PGRMC1: variants seen among roughly 807,000 people sequenced by gnomAD.
PGRMC1 encodes membrane-associated progesterone receptor component 1.
For synonymous variants in PGRMC1, 73 were observed against 77.3 expected (o/e 0.94, Z 0.29); for missense variants, 145 against 169.0 (o/e 0.86, Z 0.79).
chrX:119,238,877 G>C (rs766445691), intron 1 of PGRMC1, among the ~76,000 whole-genome samples: 2 of 112,376 alleles, frequency 1.8e-5, no homozygotes, highest in South Asian at 7.4e-4. Context: ...GTAGATGTGG[G>C]AATATAGCAG....
At chrX:119,242,450 T>C (rs1236912095) in intron 2 of PGRMC1, among the ~76,000 whole-genome samples, 2 of 111,401 alleles carry the variant, frequency 1.8e-5, no homozygotes, top group East Asian at 2.8e-4. Flanking sequence ...CATCTGGATC[T>C]GCACTCTGCC....
chrX:119,236,347 C>T lies in PGRMC1; in HGVS notation c.-17C>T. 2 of 1,201,038 alleles carry T rather than the reference C, an allele frequency of 1.7e-6. No homozygotes were observed. Among genetic ancestry groups the T allele is most frequent in the Non-Finnish European group, 2.3e-6 (2 of 887,198 alleles). On this transcript the variant is annotated 5_prime_UTR_variant, in exon 1 of 3. Coordinates refer to ENST00000217971, the MANE Select transcript of PGRMC1 (RefSeq NM_006667.5). ...CGGATCCCTGCCTAGCGCGGCCCAA[C>T]CTTTACTCCAGAGATCATGGCTGCC... is the stretch of plus-strand genomic sequence containing the variant.
rs1930878868 is a variant in PGRMC1, at chrX:119,243,858, AC to A, written c.*607del. 1 of 114,456 alleles carries A rather than the reference AC, an allele frequency of 8.7e-6. No individual in the cohort carries two copies. Among genetic ancestry groups the A allele is most frequent in the Non-Finnish European group, 1.8e-5 (1 of 54,770 alleles). The allele number at this position is 114,456 out of a possible 1,213,427, so 9.4% of individuals were successfully genotyped here. A position where few individuals can be genotyped will look rare whatever the true frequency, so the allele number is the denominator to read the frequency against. On this transcript the variant is annotated 3_prime_UTR_variant, in exon 3 of 3. Transcript: ENST00000217971. ...CTTGCCCTCACATAGACACTCAGAC[AC>A]CCTCACAAACACAGTAGTCTATAGT...
chrX:119,236,708 G>T lies in PGRMC1; in HGVS notation c.328+17G>T. The T allele has an allele frequency of 8.7e-7, 1 of 1,154,522 alleles. No homozygotes were observed. The highest frequency in any genetic ancestry group is 1.2e-6 in the Non-Finnish European group (1 of 863,019). Reference sequence around the variant, plus strand: ...ACGGGCCCGGTACGCGGCCGGCGAGGGGGGCTTGGAGACAAAAGAAGGGGG... The same window carrying T: ...ACGGGCCCGGTACGCGGCCGGCGAGTGGGGCTTGGAGACAAAAGAAGGGGG... On this transcript the variant is annotated intron_variant, in intron 1 of 2. Transcript: ENST00000217971.
At chrX:119,239,645 G>A (rs55815942) in intron 1 of PGRMC1, among the ~76,000 whole-genome samples, 9,975 of 111,231 alleles carry the variant, frequency 0.09, 465 homozygotes, top group Non-Finnish European at 0.14. Flanking sequence ...GAAAATTTTA[G>A]TATTTTCACA....
chrX:119,241,134 T>G (rs1930809024), intron 2 of PGRMC1, among the ~76,000 whole-genome samples: 1 of 112,536 alleles, frequency 8.9e-6, no homozygotes, highest in South Asian at 3.7e-4. Flanking sequence ...AATATTTCAC[T>G]GCCAAGAATT....
chrX:119,243,426 GA>G lies in PGRMC1; in HGVS notation c.*173del. On this transcript the variant is annotated 3_prime_UTR_variant, in exon 3 of 3. Transcript: ENST00000217971. ...ATAAAATTAACTTCTTAGAATGCAT[GA>G]TGTGTTTGTGTGTCACAAATCCAGA... The G allele has an allele frequency of 2.2e-6, 1 of 464,220 alleles. No homozygotes were observed. 38.3% of individuals were successfully genotyped at this position (464,220 alleles called of 1,213,427 possible).
intron 1 of PGRMC1, among the ~76,000 whole-genome samples, chrX:119,239,206 C>CT (rs778369656): frequency 7.2e-5 from 8 of 111,004 alleles, no homozygotes; most frequent in East Asian, 2.8e-4. Context: ...AAAATGTGGG[C>CT]TTTTTTTTAC....
intron 1 of PGRMC1, 38 bp from the exon 2 acceptor site, chrX:119,240,271 G>A (rs1930788247): frequency 2.5e-6 from 3 of 1,186,005 alleles, no homozygotes; most frequent in Middle Eastern, 2.7e-4. Flanking sequence ...GAAATTGACT[G>A]TCTAATAAAG....
intron 2 of PGRMC1, among the ~76,000 whole-genome samples, chrX:119,242,752 G>A (rs1268749193): frequency 2.7e-5 from 3 of 111,751 alleles, no homozygotes; most frequent in African/African-American, 9.8e-5. Flanking sequence ...GTATGCATTT[G>A]TACATGGCGT....
In PGRMC1 at chrX:119,236,689, C is replaced by T; in HGVS notation, c.326C>T (p.Pro109Leu). ...ACCAAAGGCCGCAAATTCTACGGGC[C>T]CGGTACGCGGCCGGCGAGGGGGGCT... ...DVTKGRKFYGPEGPYGVFAGR... is the reference protein window; with the variant it reads ...DVTKGRKFYGLEGPYGVFAGR... The change falls in exon 1 of 3, where the codon CCC becomes CTC. Residue 109 changes from proline (P) to leucine (L), a missense_variant and splice_region_variant. Physicochemically the swap from Pro to Leu is moderately conservative, Grantham distance 98 (BLOSUM62 -3). Coordinates refer to ENST00000217971, the MANE Select transcript of PGRMC1 (RefSeq NM_006667.5). The T allele has an allele frequency of 8.4e-7, 1 of 1,184,106 alleles. No individual in the cohort carries two copies. Among genetic ancestry groups the T allele is most frequent in the Non-Finnish European group, 1.1e-6 (1 of 881,077 alleles).
In PGRMC1 at chrX:119,236,290, C is replaced by A; in HGVS notation, c.-74C>A. ...GCCGCCGAACCCCGCGCGCCACTCGCTCGCTCAGAGGGAGGAGAAAGTGGC... is the reference window on the plus strand; with the variant it reads ...GCCGCCGAACCCCGCGCGCCACTCGATCGCTCAGAGGGAGGAGAAAGTGGC... On this transcript the variant is annotated 5_prime_UTR_variant, in exon 1 of 3. Coordinates refer to ENST00000217971, the MANE Select transcript of PGRMC1 (RefSeq NM_006667.5). 9.8e-7 allele frequency: 1 copy of A among 1,021,803 alleles called. No individual in the cohort carries two copies. Among genetic ancestry groups the A allele is most frequent in the Non-Finnish European group, 1.4e-6 (1 of 735,387 alleles). 84.2% of individuals were successfully genotyped at this position (1,021,803 alleles called of 1,213,427 possible).
At chrX:119,240,525 G>A in intron 2 of PGRMC1, 61 bp downstream of exon 2, 1 of 974,687 alleles carries the variant, frequency 1.0e-6, no homozygotes, top group Non-Finnish European at 1.5e-6. Flanking sequence ...ATTCGTGGCA[G>A]GACAATAGTT....
At chrX:119,238,995 A>G (rs1476927912) in intron 1 of PGRMC1, among the ~76,000 whole-genome samples, 1 of 112,271 alleles carries the variant, frequency 8.9e-6, no homozygotes, top group Non-Finnish European at 1.9e-5. Flanking sequence ...CCCACTAGAG[A>G]ACATTTAATT....
intron 2 of PGRMC1, among the ~76,000 whole-genome samples, 153 bp from the exon 3 acceptor site, chrX:119,242,998 G>C (rs111814644): frequency 8.0e-5 from 9 of 112,755 alleles, no homozygotes; most frequent in African/African-American, 2.6e-4. Flanking sequence ...TGTTGGCAAG[G>C]ACGGTGGTAT....
At position 119,236,571 on chromosome X, in the gene PGRMC1, C is replaced by T. The variant is rs769632512; in HGVS notation, c.208C>T (p.Arg70Trp). Residue 70 changes from arginine (R) to tryptophan (W), a missense_variant, in exon 1 of 3, where the codon CGG (arginine) becomes TGG (tryptophan). Physicochemically the swap from Arg to Trp is moderately radical, Grantham distance 101 (BLOSUM62 -3). Transcript: ENST00000217971. ...GCCGCCCCCTCTGCCCCGCCTCAAG[C>T]GGCGCGACTTCACCCCCGCCGAGCT... ...DEPPPLPRLK[R>W]RDFTPAELRR... 193 of 1,207,077 alleles carry T rather than the reference C, an allele frequency of 1.6e-4. 1 individual carries two copies. Among genetic ancestry groups the T allele is most frequent in the Non-Finnish European group, 2.1e-4 (191 of 893,520 alleles).
intron 1 of PGRMC1, 60 bp from the exon 2 acceptor site, chrX:119,240,249 A>G: frequency 1.8e-6 from 2 of 1,101,839 alleles, no homozygotes; most frequent in Non-Finnish European, 2.5e-6. Flanking sequence ...TTTTCTGTGT[A>G]TAAATCACAG....
intron 1 of PGRMC1, among the ~76,000 whole-genome samples, chrX:119,238,686 T>TA (rs1930752078): frequency 2.7e-5 from 3 of 112,087 alleles, no homozygotes; most frequent in African/African-American, 9.7e-5. Flanking sequence ...CTCAGAGCCT[T>TA]AGTTTTCCCT....
At chrX:119,237,183 A>T (rs1178008700) in intron 1 of PGRMC1, among the ~76,000 whole-genome samples, 2 of 110,755 alleles carry the variant, frequency 1.8e-5, no homozygotes, top group Non-Finnish European at 3.8e-5. Flanking sequence ...CCTAGAGAAG[A>T]CGGGAAGGCC....
Sources: allele counts gnomAD v4.1 joint callset (sites outside exome capture counted in the v4.1 genomes callset), GRCh38; gene constraint gnomAD v4.1.1; transcripts MANE v1.5; gene names NCBI Gene and HGNC (gene_info 2026-07-23, HGNC 2026-07-21).